Variants in LMBRD2 observed in about 807,000 individuals in gnomAD.
The protein encoded by LMBRD2 is LMBR1 domain containing 2.
Under a neutral mutation model 94.4 loss-of-function variants are expected in LMBRD2, and 55 were observed. The ratio of observed to expected loss-of-function variants is 0.58; its 90% CI spans 0.47 to 0.73. The LOEUF is 0.73. LMBRD2 is among the 30% of genes least tolerant of loss of function. LMBRD2 has a pLI of 0.00. For missense variants in LMBRD2, 640 were observed against 831.9 expected, an observed-to-expected ratio of 0.77 and a Z score of 2.84; for synonymous variants, 246 against 272.4, an observed-to-expected ratio of 0.90 and a Z score of 0.95.
intron 1 of LMBRD2, among the ~76,000 whole-genome samples, chr5:36,143,632 A>G (rs1207520464): frequency 1.3e-5 from 2 of 152,190 alleles, no homozygotes; most frequent in African/African-American, 4.8e-5. Context: ...TTGTATTTTC[A>G]AAAACTTAAC....
chr5:36,143,096 T>A, intron 2 of LMBRD2, 80 bp downstream of exon 2: 1 of 973,402 alleles, frequency 1.0e-6, no homozygotes, highest in East Asian at 2.6e-5. Context: ...CTTAGCTGTC[T>A]TAAGAAATAA....
At chr5:36,104,233 G>C in intron 17 of LMBRD2, 127 bp from the exon 18 acceptor site, 1 of 698,498 alleles carries the variant, frequency 1.4e-6, no homozygotes, top group South Asian at 1.6e-5. Context: ...GTCAGTAGCT[G>C]AAAGCAGAAA....
chr5:36,149,528 A>G (rs1002840466), intron 1 of LMBRD2, among the ~76,000 whole-genome samples: 3 of 152,238 alleles, frequency 2.0e-5, no homozygotes, highest in South Asian at 4.1e-4. Flanking sequence ...GTTCCAGGAC[A>G]GATGCTGGAA....
intron 6 of LMBRD2, among the ~76,000 whole-genome samples, chr5:36,130,986 C>T (rs146116255): frequency 3.3e-5 from 5 of 152,148 alleles, no homozygotes; most frequent in African/African-American, 1.2e-4. Flanking sequence ...ACTCAATCTA[C>T]GAGGCCAGTA....
chr5:36,130,153 T>C (rs1439416746), intron 6 of LMBRD2, among the ~76,000 whole-genome samples: 5 of 152,036 alleles, frequency 3.3e-5, no homozygotes, highest in African/African-American at 1.2e-4. Context: ...AACCTGCACA[T>C]TGTGCACATG....
rs1270073663 is a variant in LMBRD2 at position 36,105,158 on chromosome 5, C to T, written c.1937G>A (p.Arg646Lys). 1.2e-6 allele frequency: 2 copies of T among 1,612,772 alleles called. No individual in the cohort carries two copies. Among genetic ancestry groups the T allele is most frequent in the South Asian group, 2.2e-5 (2 of 91,010 alleles). Reference sequence around the variant, plus strand: ...ATCTTGGAGAAGTTCTATCCGGTCCCTTTCAGTCCTGTTATTAGCCCTGGT... The same window carrying T: ...ATCTTGGAGAAGTTCTATCCGGTCCTTTTCAGTCCTGTTATTAGCCCTGGT... ...KYTRANNRTE[R>K]DRIELLQDAE... Residue 646 changes from arginine to lysine, a missense_variant, in exon 17 of 18, where the codon AGG becomes AAG. Physicochemically the swap from Arg to Lys is conservative, Grantham distance 26. This residue lies in a region of LMBRD2 where 183 missense variants were observed against 189.1 expected (regional missense o/e 0.97). Transcript: ENST00000296603.
intron 15 of LMBRD2, among the ~76,000 whole-genome samples, chr5:36,109,124 C>T (rs1743543615): frequency 6.6e-6 from 1 of 152,046 alleles, no homozygotes; most frequent in African/African-American, 2.4e-5. Flanking sequence ...GGATTCTACT[C>T]ATTAAATTCT....
intron 1 of LMBRD2, among the ~76,000 whole-genome samples, 176 bp from the exon 2 acceptor site, chr5:36,143,582 T>C (rs1294291089): frequency 1.3e-5 from 2 of 152,220 alleles, no homozygotes; most frequent in Non-Finnish European, 2.9e-5. Context: ...CAAGTACTTA[T>C]ATTTTATTTT....
intron 13 of LMBRD2, among the ~76,000 whole-genome samples, chr5:36,111,987 C>A (rs1743619204): frequency 2.6e-5 from 4 of 151,668 alleles, no homozygotes; most frequent in Admixed American, 2.6e-4. Context: ...TATATTAGTT[C>A]TCAAACTTTT....
intron 9 of LMBRD2, among the ~76,000 whole-genome samples, chr5:36,120,922 A>C (rs1273012308): frequency 6.6e-6 from 1 of 152,064 alleles, no homozygotes; most frequent in Non-Finnish European, 1.5e-5. Context: ...GTTACTTCTC[A>C]TCCACCTAAT....
intron 14 of LMBRD2, among the ~76,000 whole-genome samples, chr5:36,110,356 T>A (rs1743575248): frequency 6.6e-6 from 1 of 152,080 alleles, no homozygotes; most frequent in Non-Finnish European, 1.5e-5. Flanking sequence ...TCTCTTTAGG[T>A]TACAGACAAG....
intron 10 of LMBRD2, among the ~76,000 whole-genome samples, chr5:36,117,181 T>C (rs1743767877): frequency 6.6e-6 from 1 of 152,102 alleles, no homozygotes; most frequent in Non-Finnish European, 1.5e-5. Context: ...CTATAAGTTA[T>C]GTAGCTTTAC....
chr5:36,147,996 C>A, intron 1 of LMBRD2: 1 of 232,334 alleles, frequency 4.3e-6, no homozygotes, highest in South Asian at 4.5e-5. Context: ...TATCTAACTT[C>A]ACATATCTGT....
At chr5:36,112,050 A>AGG (rs1554081595) in intron 13 of LMBRD2, among the ~76,000 whole-genome samples, 1 of 148,156 alleles carries the variant, frequency 6.7e-6, no homozygotes, top group African/African-American at 2.7e-5. Flanking sequence ...AAAGTGGTGA[A>AGG]GGAGAGAGAG....
intron 11 of LMBRD2, among the ~76,000 whole-genome samples, chr5:36,116,111 C>T (rs1743737890): frequency 6.6e-6 from 1 of 152,174 alleles, no homozygotes; most frequent in African/African-American, 2.4e-5. Flanking sequence ...TCTCAGTCCT[C>T]CTCAACTCAG....
chr5:36,123,093 CTA>C lies in LMBRD2; in HGVS notation c.823-134_823-133del, dbSNP rs573008478. On this transcript the variant is annotated intron_variant, in intron 7 of 17. Transcript: ENST00000296603. ...ACATCTTCCTACTTTATTGTCATCT[CTA>C]GTTAGACTTCATTTGCTGATATTTT... 9.7e-5 allele frequency: 87 copies of C among 900,830 alleles called. No homozygotes were observed. The African/African-American group carries it at 1.5e-3, about 15-fold the overall frequency. The allele number at this position is 900,830 out of a possible 1,614,324, so 55.8% of individuals were successfully genotyped here.
intron 16 of LMBRD2, among the ~76,000 whole-genome samples, chr5:36,106,816 G>A (rs891108240): frequency 2.6e-5 from 4 of 151,984 alleles, no homozygotes; most frequent in South Asian, 2.1e-4. Flanking sequence ...ATTGGAGAAT[G>A]ACAATATCTG....
chr5:36,143,067 T>A lies in LMBRD2; in HGVS notation c.174+109A>T, dbSNP rs1009270056. ...ATGATCAAATGGCCATATAATCTTT[T>A]AATTCAAAACTGACATAACTTAGCT... On this transcript the variant is annotated intron_variant, in intron 2 of 17. Coordinates refer to ENST00000296603, the MANE Select transcript of LMBRD2 (RefSeq NM_001007527.2). 13 of 817,706 alleles carry A rather than the reference T, an allele frequency of 1.6e-5. No individual in the cohort carries two copies. The Admixed American group carries it at 3.6e-4, about 23-fold the overall frequency. The allele number at this position is 817,706 out of a possible 1,614,324, so 50.7% of individuals were successfully genotyped here. A position where few individuals can be genotyped will look rare whatever the true frequency, so the allele number is the denominator to read the frequency against.
Position 36,143,176 on chromosome 5 carries a change from C to T in LMBRD2, c.174G>A (p.Thr58=), listed in dbSNP as rs1744458725. The change falls in exon 2 of 18, where the codon ACG becomes ACA. Residue 58 remains threonine (T), a splice_region_variant and synonymous_variant. Coordinates refer to ENST00000296603, the MANE Select transcript of LMBRD2 (RefSeq NM_001007527.2). ...TGTGAAAATAAATTTCACTCCTTAC[C>T]GTACTAACATCCAGAGGCAGTATGA... ...IVFILPLDVS[T]TIYNRCKHAA... is the part of the protein sequence containing the mutation. 1.9e-6 allele frequency: 3 copies of T among 1,583,924 alleles called. No homozygotes were observed. The highest frequency in any genetic ancestry group is 2.6e-6 in the Non-Finnish European group (3 of 1,164,350).
Sources: allele counts gnomAD v4.1 joint callset (sites outside exome capture counted in the v4.1 genomes callset), GRCh38; gene constraint gnomAD v4.1.1; regional missense constraint gnomAD v4.1.1; transcripts MANE v1.5; gene names NCBI Gene and HGNC (gene_info 2026-07-23, HGNC 2026-07-21).